The following CRB1 variants were observed in gnomAD, a reference collection of about 807,000 sequenced individuals.
CRB1 encodes the protein protein crumbs homolog 1.
In CRB1, 83 loss-of-function variants were observed where a neutral mutation model predicts 120.0. That is an observed-to-expected ratio of 0.69 (90% CI 0.58 to 0.83). The LOEUF (loss-of-function observed/expected upper bound fraction) is 0.83. Among genes scored for constraint, CRB1 ranks in the 40% least tolerant of loss-of-function variants. The pLI is 0.00. For synonymous variants in CRB1, 625 were observed against 612.5 expected (o/e 1.02, Z -0.30); for missense variants, 1,699 against 1,687.6 (o/e 1.01, Z -0.12).
the CRB1 span, among the ~76,000 whole-genome samples, chr1:197,237,553 A>G: frequency 6.6e-5 from 10 of 152,200 alleles, no homozygotes; most frequent in Admixed American, 3.9e-4. Flanking sequence ...CATTCAGACA[A>G]TAGACATATT....
At chr1:197,312,409 C>T (rs1657584777) in intron 1 of CRB1, among the ~76,000 whole-genome samples, 1 of 151,866 alleles carries the variant, frequency 6.6e-6, no homozygotes, top group African/African-American at 2.4e-5. Flanking sequence ...ACTAAAAATA[C>T]AAAAAAACAA....
chr1:197,259,587 G>T, the CRB1 span, among the ~76,000 whole-genome samples: 1 of 152,108 alleles, frequency 6.6e-6, no homozygotes, highest in Non-Finnish European at 1.5e-5. Context: ...TGTGGGGCTT[G>T]AAACCTAGGT....
chr1:197,411,037 T>G (rs561507400), intron 5 of CRB1, among the ~76,000 whole-genome samples: 96 of 152,348 alleles, frequency 6.3e-4, no homozygotes, highest in Middle Eastern at 6.8e-3. Context: ...GTTAGACCTT[T>G]AGCTACATGA....
At chr1:197,254,263 G>T in the CRB1 span, among the ~76,000 whole-genome samples, 7,941 of 152,122 alleles carry the variant, frequency 0.052, 713 homozygotes, top group African/African-American at 0.18. Flanking sequence ...GTCAGCACAT[G>T]AATCCCTTTG....
the CRB1 span, among the ~76,000 whole-genome samples, chr1:197,221,539 A>G: frequency 3.3e-5 from 5 of 152,232 alleles, no homozygotes; most frequent in African/African-American, 1.2e-4. Context: ...CATTTTTTAC[A>G]CTGACAAAAA....
the CRB1 span, among the ~76,000 whole-genome samples, chr1:197,252,468 A>T: frequency 7.0e-6 from 1 of 142,560 alleles, no homozygotes; most frequent in Non-Finnish European, 1.5e-5. Context: ...TCATTCTTAA[A>T]CTTAAATCAC....
chr1:197,420,004 C>A (rs9427668), intron 5 of CRB1, among the ~76,000 whole-genome samples: 136,131 of 146,362 alleles, frequency 0.93, 64,109 homozygotes, highest in South Asian at 1. Flanking sequence ...AAAAAACAAA[C>A]AAAAAAAACT....
intron 8 of CRB1, among the ~76,000 whole-genome samples, chr1:197,434,009 T>C (rs1228037732): frequency 1.3e-5 from 2 of 152,144 alleles, no homozygotes; most frequent in African/African-American, 4.8e-5. Context: ...AATCATCTTA[T>C]AGAATGGGGA....
At chr1:197,226,735 A>C in the CRB1 span, among the ~76,000 whole-genome samples, 2 of 152,180 alleles carry the variant, frequency 1.3e-5, no homozygotes, top group African/African-American at 4.8e-5. Flanking sequence ...GACTGTTTCC[A>C]TGCTGCTGTA....
At chr1:197,359,987 C>A (rs1374270851) in intron 5 of CRB1, among the ~76,000 whole-genome samples, 1 of 152,090 alleles carries the variant, frequency 6.6e-6, no homozygotes, top group Non-Finnish European at 1.5e-5. Context: ...CACATACAGA[C>A]CCTGGGCGTT....
chr1:197,315,069 C>T (rs940018588), intron 1 of CRB1, among the ~76,000 whole-genome samples: 4 of 152,236 alleles, frequency 2.6e-5, no homozygotes, highest in African/African-American at 7.2e-5. Flanking sequence ...GCACAAAAGC[C>T]ATTCCAAATC....
chr1:197,263,630 A>AT (rs1654565311), upstream of CRB1, among the ~76,000 whole-genome samples: 1 of 151,958 alleles, frequency 6.6e-6, no homozygotes. Flanking sequence ...GAGAAATCAT[A>AT]TTTTTTCATA....
At position 197,307,540 on chromosome 1, in the gene CRB1, T is replaced by C. The variant is rs1349390530; in HGVS notation, c.71-20882T>C. The stretch of plus-strand genomic sequence containing the variant: ...AAAATTAGAGAAAATGCAGGAACTG[T>C]GAGAGTACAGAGAAGTTCAGTATGA... On this transcript the variant is annotated intron_variant, in intron 1 of 11. Transcript: ENST00000367400. 2.6e-5 allele frequency among the ~76,000 whole-genome samples: 4 copies of C among 152,130 alleles called. No homozygotes were observed. The East Asian group carries it at 7.7e-4, about 29-fold the overall frequency.
the CRB1 span, among the ~76,000 whole-genome samples, chr1:197,225,707 A>AT: frequency 2.0e-5 from 3 of 152,184 alleles, no homozygotes; most frequent in Admixed American, 6.5e-5. Context: ...CTTAACAGCC[A>AT]TTTTGGATCT....
At chr1:197,361,249 T>C (rs1012130863) in intron 5 of CRB1, among the ~76,000 whole-genome samples, 45 of 151,966 alleles carry the variant, frequency 3.0e-4, no homozygotes, top group African/African-American at 1.1e-3. Context: ...AAGGTAGTAT[T>C]GACCTCATAA....
chr1:197,349,792 A>G (rs1659984527), intron 4 of CRB1, among the ~76,000 whole-genome samples: 1 of 152,228 alleles, frequency 6.6e-6, no homozygotes, highest in South Asian at 2.1e-4. Context: ...ACCTTTGGTC[A>G]TCAACTTGAC....
chr1:197,378,035 T>C (rs1168498408), intron 5 of CRB1, among the ~76,000 whole-genome samples: 1 of 152,244 alleles, frequency 6.6e-6, no homozygotes, highest in African/African-American at 2.4e-5. Context: ...AGAGCTGCCC[T>C]TGCTGAGTTA....
chr1:197,352,686 CTTTTTT>C (rs5779865), intron 4 of CRB1, among the ~76,000 whole-genome samples: 1 of 137,160 alleles, frequency 7.3e-6, no homozygotes, highest in Admixed American at 7.2e-5. Flanking sequence ...TTTTACTTTC[CTTTTTT>C]TTTTTTTTTT....
the CRB1 span, among the ~76,000 whole-genome samples, chr1:197,248,690 C>G: frequency 6.6e-6 from 1 of 151,958 alleles, no homozygotes; most frequent in African/African-American, 2.4e-5. Context: ...AAATTGTGTA[C>G]AGTTAGCATT....
Sources: gnomAD v4.1 joint callset for allele counts (sites outside exome capture counted in the v4.1 genomes callset) on GRCh38, gnomAD v4.1.1 for gene constraint, MANE v1.5 for transcripts, NCBI Gene and HGNC (gene_info 2026-07-23, HGNC 2026-07-21) for gene names.